Variants in ANXA10 observed in about 807,000 individuals in gnomAD.
The protein encoded by ANXA10 is annexin 14.
ANXA10 carries 49 observed loss-of-function variants against 53.5 expected under a neutral mutation model. The observed-to-expected ratio is 0.92, with a 90% CI of 0.73 to 1.16. The LOEUF (loss-of-function observed/expected upper bound fraction) is 1.16. Ranked by LOEUF, ANXA10 falls within the 50% of genes most tolerant of loss-of-function variation. ANXA10 has a pLI of 0.00. For missense variants in ANXA10, 393 were observed against 394.4 expected, an observed-to-expected ratio of 1.00 and a Z score of 0.03; for synonymous variants, 131 against 128.9, an observed-to-expected ratio of 1.02 and a Z score of -0.11.
intron 2 of ANXA10, among the ~76,000 whole-genome samples, chr4:168,136,765 GC>G (rs1731244259): frequency 6.6e-6 from 1 of 152,146 alleles, no homozygotes; most frequent in African/African-American, 2.4e-5. Flanking sequence ...AAGGATGGTG[GC>G]CCCCTTCTCA....
intron 1 of ANXA10, among the ~76,000 whole-genome samples, chr4:168,113,753 T>C (rs1730847342): frequency 6.6e-6 from 1 of 152,222 alleles, no homozygotes; most frequent in South Asian, 2.1e-4. Flanking sequence ...TTTAGCACTA[T>C]TCTTGATATA....
intron 2 of ANXA10, among the ~76,000 whole-genome samples, 192 bp from the exon 3 acceptor site, chr4:168,139,294 A>G (rs1578910981): frequency 6.6e-6 from 1 of 152,102 alleles, no homozygotes; most frequent in African/African-American, 2.4e-5. Context: ...AATGGCACTA[A>G]ATTAGGAGAT....
Position 168,116,811 on chromosome 4 carries a change from G to T in ANXA10, c.19-11273G>T, listed in dbSNP as rs1029400330. ...AGGCAAATATTTTTCCAGAAGTAGG[G>T]ATGTGTTTGAGCCAAATCCACTCTC... On this transcript the variant is annotated intron_variant, in intron 1 of 11. Coordinates refer to ENST00000359299, the MANE Select transcript of ANXA10 (RefSeq NM_007193.5). 7.9e-5 allele frequency among the ~76,000 whole-genome samples: 12 copies of T among 152,056 alleles called. 1 individual carries two copies. Among genetic ancestry groups the T allele is most frequent in the African/African-American group, 2.7e-4 (11 of 41,416 alleles).
intron 5 of ANXA10, among the ~76,000 whole-genome samples, chr4:168,164,906 G>C (rs1321980814): frequency 6.6e-6 from 1 of 152,136 alleles, no homozygotes; most frequent in African/African-American, 2.4e-5. Context: ...TCACTAAAAT[G>C]TTAAAATGAG....
chr4:168,147,153 G>A (rs1731419644), intron 3 of ANXA10, among the ~76,000 whole-genome samples: 1 of 152,136 alleles, frequency 6.6e-6, no homozygotes, highest in African/African-American at 2.4e-5. Flanking sequence ...CAGGCCTACT[G>A]GATTCTTTGA....
chr4:168,177,797 A>T lies in ANXA10; in HGVS notation c.534+4A>T. 1 of 1,614,176 alleles carries T rather than the reference A, an allele frequency of 6.2e-7. No homozygotes were observed. The highest frequency in any genetic ancestry group is 8.5e-7 in the Non-Finnish European group (1 of 1,180,016). On this transcript the variant is annotated splice_donor_region_variant and intron_variant, in intron 7 of 11. Coordinates refer to ENST00000359299, the MANE Select transcript of ANXA10 (RefSeq NM_007193.5). ...GATGGCTGCTCAGGATGCAATGGTAACTAGAACCAGTTCTCAGACTGACTG... is the reference window on the plus strand; with the variant it reads ...GATGGCTGCTCAGGATGCAATGGTATCTAGAACCAGTTCTCAGACTGACTG...
At chr4:168,154,911 G>A (rs1429604331) in intron 3 of ANXA10, among the ~76,000 whole-genome samples, 2 of 152,124 alleles carry the variant, frequency 1.3e-5, no homozygotes, top group Admixed American at 6.5e-5. Flanking sequence ...AATGCTAGTT[G>A]TTATGATAAT....
intron 1 of ANXA10, among the ~76,000 whole-genome samples, chr4:168,106,192 G>T (rs1730717682): frequency 6.6e-6 from 1 of 151,942 alleles, no homozygotes; most frequent in Admixed American, 6.6e-5. Flanking sequence ...TGAAATCTTT[G>T]TCCATTCCTA....
At position 168,181,559 on chromosome 4, in the gene ANXA10, A is replaced by G. The variant is rs1009738048; in HGVS notation, c.725-124A>G. On this transcript the variant is annotated intron_variant, in intron 9 of 11. Coordinates refer to ENST00000359299, the MANE Select transcript of ANXA10 (RefSeq NM_007193.5). ...TGGCTTATAGTGTTACCATTATTCTAAGTGTTGACCTTACAATACAATGTA... is the reference window on the plus strand; with the variant it reads ...TGGCTTATAGTGTTACCATTATTCTGAGTGTTGACCTTACAATACAATGTA... The G allele has an allele frequency of 1.2e-5, 9 of 781,544 alleles. No homozygotes were observed. In the South Asian group the frequency reaches 1.3e-4, roughly 12 times the overall value. The allele number at this position is 781,544 out of a possible 1,614,324, so 48.4% of individuals were successfully genotyped here.
chr4:168,124,716 C>T (rs1181981738), intron 1 of ANXA10, among the ~76,000 whole-genome samples: 4 of 152,154 alleles, frequency 2.6e-5, no homozygotes, highest in South Asian at 2.1e-4. Flanking sequence ...AGCCTAGATG[C>T]TCCCAAGGAT....
chr4:168,126,898 G>C (rs543148314), intron 1 of ANXA10, among the ~76,000 whole-genome samples: 108 of 151,994 alleles, frequency 7.1e-4, no homozygotes, highest in Non-Finnish European at 1.3e-3. Flanking sequence ...TCAATTCTTA[G>C]TTTTGAGTTC....
chr4:168,138,797 G>T (rs540834376), intron 2 of ANXA10, among the ~76,000 whole-genome samples: 1 of 152,204 alleles, frequency 6.6e-6, no homozygotes, highest in South Asian at 2.1e-4. Context: ...CCCTTACAGA[G>T]ATCTTTCACT....
chr4:168,136,612 G>A (rs1731241670), intron 2 of ANXA10, among the ~76,000 whole-genome samples: 1 of 152,154 alleles, frequency 6.6e-6, no homozygotes, highest in African/African-American at 2.4e-5. Flanking sequence ...CAAGAGGTGG[G>A]CTCCCAAGGC....
At chr4:168,139,808 A>G (rs1466641626) in intron 3 of ANXA10, among the ~76,000 whole-genome samples, 2 of 152,354 alleles carry the variant, frequency 1.3e-5, no homozygotes, top group Middle Eastern at 6.8e-3. Flanking sequence ...ACCAGTGACC[A>G]CAAGTTCTTT....
chr4:168,128,033 A>G, intron 1 of ANXA10, 51 bp from the exon 2 acceptor site: 1 of 1,517,656 alleles, frequency 6.6e-7, no homozygotes, highest in South Asian at 1.1e-5. Flanking sequence ...CACAATGTTG[A>G]AACATTAACA....
At chr4:168,168,981 T>A (rs1731932398) in intron 6 of ANXA10, among the ~76,000 whole-genome samples, 1 of 152,152 alleles carries the variant, frequency 6.6e-6, no homozygotes, top group East Asian at 1.9e-4. Flanking sequence ...ATGTCACCAC[T>A]CTCAGTAAAT....
At chr4:168,111,764 T>C (rs1254559009) in intron 1 of ANXA10, among the ~76,000 whole-genome samples, 1 of 152,214 alleles carries the variant, frequency 6.6e-6, no homozygotes, top group Non-Finnish European at 1.5e-5. Flanking sequence ...TTGCAAAATA[T>C]ACTTATCACT....
intron 1 of ANXA10, among the ~76,000 whole-genome samples, chr4:168,121,892 GGAGTGCAGTGGTGCAGTCTC>G (rs1730991643): frequency 6.6e-6 from 1 of 152,002 alleles, no homozygotes; most frequent in African/African-American, 2.4e-5. Flanking sequence ...CTCCCAGGCG[GGAGTGCAGTGGTGCAGTCTC>G]CACTCACGGC....
At chr4:168,120,484 A>C (rs1443288387) in intron 1 of ANXA10, among the ~76,000 whole-genome samples, 1 of 152,116 alleles carries the variant, frequency 6.6e-6, no homozygotes, top group Non-Finnish European at 1.5e-5. Flanking sequence ...ACTGGTTATA[A>C]GACTTAACTT....
Sources: allele counts gnomAD v4.1 joint callset (sites outside exome capture counted in the v4.1 genomes callset), GRCh38; gene constraint gnomAD v4.1.1; transcripts MANE v1.5; gene names NCBI Gene and HGNC (gene_info 2026-07-23, HGNC 2026-07-21).